Variants in ZC3H4 observed in about 807,000 individuals in gnomAD.
ZC3H4 encodes zinc finger CCCH-type containing 4.
Under a neutral mutation model 108.3 loss-of-function variants are expected in ZC3H4, and 13 were observed. That is an observed-to-expected ratio of 0.12 (90% CI 0.08 to 0.19). The LOEUF is 0.19. Among genes scored for constraint, ZC3H4 ranks in the 10% least tolerant of loss-of-function variants. The probability of loss-of-function intolerance (pLI) is 1.00; values close to 1 mark genes in which losing one functional copy is unlikely to be tolerated. For missense variants in ZC3H4, 1,734 were observed against 1,838.8 expected (o/e 0.94, Z 1.04); for synonymous variants, 917 against 749.6 (o/e 1.22, Z -3.65).
At chr19:47,105,474 C>T (rs1298185307) in intron 2 of ZC3H4, among the ~76,000 whole-genome samples, 1 of 152,176 alleles carries the variant, frequency 6.6e-6, no homozygotes, top group Non-Finnish European at 1.5e-5. Context: ...GTGGTGTGCG[C>T]CTGTAATCCC....
At position 47,090,113 on chromosome 19, in the gene ZC3H4, T is replaced by C. The variant is rs1398803379; in HGVS notation, c.569A>G (p.Tyr190Cys). The part of the protein sequence containing the change: ...KAYSKMDSKS[Y>C]GMYEDYENEQ... ...ATTCTCGTAGTCCTCGTACATGCCA[T>C]AACTCTTGCTGTCCATCTTGGAGTA... is the stretch of plus-strand genomic sequence containing the variant. Residue 190 changes from tyrosine to cysteine, a missense_variant, in exon 5 of 15, where the codon TAT (tyrosine) becomes TGT (cysteine). Tyr to Cys is a radical substitution (Grantham distance 194). Around this residue, in one of 9 missense-constraint regions of ZC3H4, gnomAD observed 403 missense variants for 457.0 expected, o/e 0.88. Transcript: ENST00000253048. 2 of 1,614,200 alleles carry C rather than the reference T, an allele frequency of 1.2e-6. No individual in the cohort carries two copies. The highest frequency in any genetic ancestry group is 1.7e-6 in the Non-Finnish European group (2 of 1,180,036).
chr19:47,067,166 G>T lies in ZC3H4; in HGVS notation c.3102C>A (p.Ser1034Arg), dbSNP rs1215370297. ...AGTCGGGGAGGTTGGCGCCCTGTGT[G>T]CTGGAATCCGTGGAGGCGCCCGGGC... is the stretch of plus-strand genomic sequence containing the variant. Reference protein sequence around the residue: ...RQRPGASTDSSTQGANLPDFE... With the variant: ...RQRPGASTDSRTQGANLPDFE... Residue 1034 changes from serine (S) to arginine (R), a missense_variant, in exon 15 of 15, where the codon AGC becomes AGA. Coordinates refer to ENST00000253048, the MANE Select transcript of ZC3H4 (RefSeq NM_015168.2). This position sits in a 1 kb window ranked among gnomAD's most constrained non-coding sequence, Gnocchi z 6.4. 5.0e-6 allele frequency: 8 copies of T among 1,611,792 alleles called. No homozygotes were observed. Among genetic ancestry groups the T allele is most frequent in the Non-Finnish European group, 6.8e-6 (8 of 1,178,790 alleles).
intron 2 of ZC3H4, among the ~76,000 whole-genome samples, chr19:47,102,570 T>A (rs1242352604): frequency 6.6e-6 from 1 of 152,104 alleles, no homozygotes; most frequent in Non-Finnish European, 1.5e-5. Flanking sequence ...GAGAATCCCA[T>A]GAGGCCATGT....
chr19:47,072,185 GGA>G lies in ZC3H4; in HGVS notation c.1803-66_1803-65del. ...AGGAGGGCAGTGGCCACACCCCAGA[GGA>G]GAGGCGGAGGGCTGCAGAGCCGAAG... On this transcript the variant is annotated intron_variant, in intron 12 of 14. Transcript: ENST00000253048. The surrounding 1 kb of genome is among the most constrained non-coding windows in gnomAD (Gnocchi z 5.6). 6.9e-7 allele frequency: 1 copy of G among 1,444,152 alleles called. No individual in the cohort carries two copies. Among genetic ancestry groups the G allele is most frequent in the Non-Finnish European group, 9.2e-7 (1 of 1,084,964 alleles). 89.5% of individuals were successfully genotyped at this position (1,444,152 alleles called of 1,614,324 possible). A position where few individuals can be genotyped will look rare whatever the true frequency, so the allele number is the denominator to read the frequency against.
intron 2 of ZC3H4, among the ~76,000 whole-genome samples, chr19:47,106,905 G>A (rs1170503859): frequency 6.6e-6 from 1 of 152,176 alleles, no homozygotes; most frequent in Non-Finnish European, 1.5e-5. Context: ...ATTCCCCTCT[G>A]GAGAGAGTAA....
intron 11 of ZC3H4, among the ~76,000 whole-genome samples, chr19:47,076,096 T>C (rs560802571): frequency 1.3e-5 from 2 of 152,228 alleles, no homozygotes; most frequent in Non-Finnish European, 2.9e-5. Flanking sequence ...CATTAGGCCA[T>C]GTGAATAAGC....
At chr19:47,095,072 T>A (rs1285295611) in intron 2 of ZC3H4, among the ~76,000 whole-genome samples, 1 of 152,096 alleles carries the variant, frequency 6.6e-6, no homozygotes, top group African/African-American at 2.4e-5. Flanking sequence ...CAGAAGTCTC[T>A]CTCCCAGGGA....
At chr19:47,112,270 A>G in intron 2 of ZC3H4, 154 bp downstream of exon 2, 1 of 1,131,366 alleles carries the variant, frequency 8.8e-7, no homozygotes, top group Non-Finnish European at 1.1e-6. Flanking sequence ...GCGAGCGAGC[A>G]AGCGATCGAG....
intron 11 of ZC3H4, among the ~76,000 whole-genome samples, chr19:47,074,570 G>C (rs1163569388): frequency 6.6e-6 from 1 of 152,226 alleles, no homozygotes. Flanking sequence ...GCTGCATTTT[G>C]GGAGGGCTCC....
chr19:47,075,526 A>T (rs2057404407), intron 11 of ZC3H4, among the ~76,000 whole-genome samples: 1 of 151,794 alleles, frequency 6.6e-6, no homozygotes, highest in Admixed American at 6.6e-5. Flanking sequence ...AAGCCTCTTG[A>T]ATGTCTGCCT....
At chr19:47,074,080 G>A (rs538382648) in intron 11 of ZC3H4, among the ~76,000 whole-genome samples, 371 of 152,240 alleles carry the variant, frequency 2.4e-3, no homozygotes, top group African/African-American at 8.5e-3. Flanking sequence ...ACCCAGCCTC[G>A]TTTCAGTGCA....
intron 2 of ZC3H4, among the ~76,000 whole-genome samples, chr19:47,108,514 A>G (rs2057995949): frequency 6.6e-6 from 1 of 152,254 alleles, no homozygotes; most frequent in Non-Finnish European, 1.5e-5. Flanking sequence ...AAGATCTAAG[A>G]GCAAGAAGCA....
rs751249687 is a variant in ZC3H4 at position 47,067,382 on chromosome 19, G to T, written c.2886C>A (p.Ile962=). ...PRSQLQQFSH[I]KKDVTLSKPS... ...GCTTGCTCAGGGTCACGTCCTTCTT[G>T]ATGTGGCTGAACTGCTGCAGCTGTG... is the stretch of plus-strand genomic sequence containing the variant. Residue 962 remains isoleucine, a synonymous_variant, in exon 15 of 15, where the codon ATC becomes ATA. Coordinates refer to ENST00000253048, the MANE Select transcript of ZC3H4 (RefSeq NM_015168.2). The surrounding 1 kb of genome is among the most constrained non-coding windows in gnomAD (Gnocchi z 6.4). The T allele has an allele frequency of 1.9e-6, 3 of 1,609,144 alleles. No homozygotes were observed. Among genetic ancestry groups the T allele is most frequent in the Non-Finnish European group, 2.5e-6 (3 of 1,177,342 alleles).
chr19:47,100,563 T>A (rs997059255), intron 2 of ZC3H4, among the ~76,000 whole-genome samples: 1 of 151,760 alleles, frequency 6.6e-6, no homozygotes, highest in African/African-American at 2.4e-5. Flanking sequence ...ACTGCTGGCA[T>A]CTAGATACGA....
chr19:47,072,641 T>C lies in ZC3H4; in HGVS notation c.1513A>G (p.Asn505Asp). ...CCAGGGGGCGGTTTGGGCAGGGGGTTGATGCCCTGCTTCTTCAGTTCCTCC... is the reference window on the plus strand; with the variant it reads ...CCAGGGGGCGGTTTGGGCAGGGGGTCGATGCCCTGCTTCTTCAGTTCCTCC... The part of the protein sequence containing the change: ...EVEELKKQGI[N>D]PLPKPPPGVG... Residue 505 changes from asparagine to aspartate, a missense_variant, in exon 12 of 15, where the codon AAC (asparagine) becomes GAC (aspartate). This residue lies in a region of ZC3H4 where 66 missense variants were observed against 166.8 expected (regional missense o/e 0.40). Transcript: ENST00000253048. The surrounding 1 kb of genome is among the most constrained non-coding windows in gnomAD (Gnocchi z 5.6). The C allele has an allele frequency of 2.5e-6, 4 of 1,613,054 alleles. No individual in the cohort carries two copies. The South Asian group carries it at 4.4e-5, about 18-fold the overall frequency.
At position 47,066,219 on chromosome 19, in the gene ZC3H4, A is replaced by C; in HGVS notation, c.*137T>G. ...GTACTACTTTAAAAAAAAATAAAAG[A>C]GACGGAAAGCAAAAGAAAAAGAAAA... On this transcript the variant is annotated 3_prime_UTR_variant, in exon 15 of 15. Coordinates refer to ENST00000253048, the MANE Select transcript of ZC3H4 (RefSeq NM_015168.2). 1.6e-6 allele frequency: 1 copy of C among 636,426 alleles called. No homozygotes were observed. Among genetic ancestry groups the C allele is most frequent in the South Asian group, 3.1e-5 (1 of 32,704 alleles). 39.4% of individuals were successfully genotyped at this position (636,426 alleles called of 1,614,324 possible).
intron 14 of ZC3H4, 91 bp downstream of exon 14, chr19:47,069,001 A>C: frequency 3.8e-6 from 6 of 1,579,140 alleles, no homozygotes; most frequent in Non-Finnish European, 5.1e-6. Flanking sequence ...CTCCTTCCTG[A>C]CAGGAAACCC....
Position 47,067,241 on chromosome 19 carries a change from G to C in ZC3H4, c.3027C>G (p.Asp1009Glu), listed in dbSNP as rs1304706180. The change falls in exon 15 of 15, where the codon GAC becomes GAG. Residue 1009 changes from aspartate (D) to glutamate (E), a missense_variant. Around this residue, in one of 9 missense-constraint regions of ZC3H4, gnomAD observed 518 missense variants for 499.6 expected, o/e 1.04. Coordinates refer to ENST00000253048, the MANE Select transcript of ZC3H4 (RefSeq NM_015168.2). This position sits in a 1 kb window ranked among gnomAD's most constrained non-coding sequence, Gnocchi z 6.4. Reference sequence around the variant, plus strand: ...CCGTGGCAGCGCGGTGCAGCCGGGGGTCCAGGGTGGGCATGGATTGCAGGG... The same window carrying C: ...CCGTGGCAGCGCGGTGCAGCCGGGGCTCCAGGGTGGGCATGGATTGCAGGG... ...PAALQSMPTL[D>E]PRLHRAATAG... 1.2e-6 allele frequency: 2 copies of C among 1,603,050 alleles called. No homozygotes were observed. Among genetic ancestry groups the C allele is most frequent in the Non-Finnish European group, 1.7e-6 (2 of 1,174,796 alleles).
intron 11 of ZC3H4, among the ~76,000 whole-genome samples, chr19:47,078,156 A>C (rs958107841): frequency 6.6e-6 from 1 of 152,058 alleles, no homozygotes; most frequent in Admixed American, 6.6e-5. Flanking sequence ...CCCCTAAACT[A>C]TCTCTATTTT....
Sources: allele counts gnomAD v4.1 joint callset (sites outside exome capture counted in the v4.1 genomes callset), GRCh38; gene constraint gnomAD v4.1.1; regional missense constraint gnomAD v4.1.1; non-coding constraint Gnocchi (gnomAD v3.1); transcripts MANE v1.5; gene names NCBI Gene and HGNC (gene_info 2026-07-23, HGNC 2026-07-21).